SEPTIN14: variants seen among roughly 807,000 people sequenced by gnomAD.
SEPTIN14 encodes the protein septin-14.
A neutral mutation model predicts 53.6 loss-of-function variants in SEPTIN14; 40 were observed. That is an observed-to-expected ratio of 0.75 (90% CI 0.58 to 0.97). The LOEUF is 0.97. SEPTIN14 is among the 50% of genes least tolerant of loss of function. SEPTIN14 has a pLI of 0.00. For synonymous variants in SEPTIN14, 138 were observed against 166.8 expected, an observed-to-expected ratio of 0.83 and a Z score of 1.33; for missense variants, 471 against 508.2, an observed-to-expected ratio of 0.93 and a Z score of 0.70.
intron 9 of SEPTIN14, among the ~76,000 whole-genome samples, chr7:55,802,781 CA>C (rs80183449): frequency 0.19 from 27,076 of 143,392 alleles, 3,174 homozygotes; most frequent in East Asian, 0.43. Context: ...CCTGCACAGC[CA>C]AAAAAAAAAA....
intron 7 of SEPTIN14, among the ~76,000 whole-genome samples, chr7:55,818,364 C>T (rs1288546375): frequency 1.7e-4 from 25 of 148,472 alleles, no homozygotes; most frequent in Admixed American, 3.4e-4. Flanking sequence ...CCCAGCTACT[C>T]GGAAGGCTTA....
In SEPTIN14 at chr7:55,861,841, T is replaced by C. The variant is rs189950231; in HGVS notation, c.54+102A>G. On this transcript the variant is annotated intron_variant, in intron 2 of 9. Transcript: ENST00000388975. ...ATGCCCAAACATAACAAACAAGACT[T>C]TATCTTCTATGCCTACATCAGTTTT... 1,214 of 689,364 alleles carry C rather than the reference T, an allele frequency of 1.8e-3. 10 individuals are homozygous for C. In the African/African-American group the frequency reaches 0.021, roughly 12 times the overall value. The allele number at this position is 689,364 out of a possible 1,614,324, so 42.7% of individuals were successfully genotyped here. A position where few individuals can be genotyped will look rare whatever the true frequency, so the allele number is the denominator to read the frequency against.
chr7:55,850,532 A>G (rs1584272696), intron 2 of SEPTIN14, among the ~76,000 whole-genome samples: 1 of 152,166 alleles, frequency 6.6e-6, no homozygotes, highest in Non-Finnish European at 1.5e-5. Flanking sequence ...AAAATTATAC[A>G]TTAATTTCTG....
chr7:55,809,387 G>A (rs1389904653), intron 7 of SEPTIN14, among the ~76,000 whole-genome samples: 13 of 135,968 alleles, frequency 9.6e-5, no homozygotes, highest in South Asian at 4.5e-4. Flanking sequence ...ATGGAATCTC[G>A]CTCTGTTGCT....
chr7:55,811,102 G>T, intron 7 of SEPTIN14: 1 of 467,822 alleles, frequency 2.1e-6, no homozygotes. Flanking sequence ...GATGTCAGGG[G>T]TGTTTGAATA....
In SEPTIN14 at chr7:55,800,938, G is replaced by T. The variant is rs143868447; in HGVS notation, c.1119+4320C>A. Among the ~76,000 whole-genome samples the T allele has an allele frequency of 5.1e-3, 769 of 151,856 alleles. 6 individuals carry two copies. Among genetic ancestry groups the T allele is most frequent in the Middle Eastern group, 0.017 (5 of 294 alleles). On this transcript the variant is annotated intron_variant, in intron 9 of 9. Coordinates refer to ENST00000388975, the MANE Select transcript of SEPTIN14 (RefSeq NM_207366.3). ...GTATGCCTATATCAAAATATCTATC[G>T]TACCCCATAAATATGTATACCTACT...
chr7:55,856,968 G>T (rs893012322), intron 2 of SEPTIN14, among the ~76,000 whole-genome samples: 16 of 151,846 alleles, frequency 1.1e-4, no homozygotes, highest in Admixed American at 5.3e-4. Context: ...TACTCAGGAG[G>T]CTGAGGCACG....
At chr7:55,858,696 C>T (rs1235627718) in intron 2 of SEPTIN14, among the ~76,000 whole-genome samples, 3 of 152,156 alleles carry the variant, frequency 2.0e-5, no homozygotes, top group Admixed American at 2.0e-4. Flanking sequence ...CCCAGCTACT[C>T]AGGAGGCTGA....
At chr7:55,830,345 A>ATTT (rs1337453699) in intron 6 of SEPTIN14, among the ~76,000 whole-genome samples, 6,406 of 39,468 alleles carry the variant, frequency 0.16, 689 homozygotes, top group Non-Finnish European at 0.19. Context: ...ATATATATAT[A>ATTT]TATATTTTTT....
intron 6 of SEPTIN14, among the ~76,000 whole-genome samples, chr7:55,823,935 G>C (rs1188872443): frequency 2.7e-5 from 4 of 149,906 alleles, no homozygotes; most frequent in Non-Finnish European, 5.9e-5. Flanking sequence ...CTGTCACCCA[G>C]GCTGGAGTGC....
chr7:55,856,455 G>A (rs976827027), intron 2 of SEPTIN14, among the ~76,000 whole-genome samples: 5 of 151,412 alleles, frequency 3.3e-5, no homozygotes, highest in African/African-American at 1.2e-4. Flanking sequence ...GCAGTGGTGT[G>A]ATTTCAGCTC....
At chr7:55,838,790 G>T (rs1427108797) in intron 5 of SEPTIN14, among the ~76,000 whole-genome samples, 1 of 151,872 alleles carries the variant, frequency 6.6e-6, no homozygotes, top group Non-Finnish European at 1.5e-5. Context: ...CTCAAGCGAT[G>T]CTCCTGCGTT....
intron 6 of SEPTIN14, among the ~76,000 whole-genome samples, chr7:55,822,092 A>C (rs1788905699): frequency 6.6e-6 from 1 of 152,208 alleles, no homozygotes; most frequent in Admixed American, 6.5e-5. Flanking sequence ...CCATAATTCA[A>C]TTACCTTCCC....
intron 2 of SEPTIN14, among the ~76,000 whole-genome samples, chr7:55,860,844 C>A (rs574267583): frequency 5.4e-4 from 82 of 152,194 alleles, no homozygotes; most frequent in African/African-American, 1.8e-3. Flanking sequence ...GAGAGTAAGC[C>A]CCCACCTGAC....
At chr7:55,852,056 G>A (rs1172475151) in intron 2 of SEPTIN14, among the ~76,000 whole-genome samples, 1 of 151,092 alleles carries the variant, frequency 6.6e-6, no homozygotes, top group Non-Finnish European at 1.5e-5. Context: ...GCAGGAGAAT[G>A]ACGTGAACCT....
At chr7:55,846,766 T>C in intron 2 of SEPTIN14, 129 bp from the exon 3 acceptor site, 1 of 554,986 alleles carries the variant, frequency 1.8e-6, no homozygotes. Flanking sequence ...TCAGACAAGA[T>C]GCAAATATAT....
At chr7:55,848,031 C>T (rs941634719) in intron 2 of SEPTIN14, among the ~76,000 whole-genome samples, 2 of 152,080 alleles carry the variant, frequency 1.3e-5, no homozygotes, top group Non-Finnish European at 2.9e-5. Context: ...TACAAAATAC[C>T]TTTTTATTTA....
chr7:55,805,182 C>A, intron 9 of SEPTIN14, 76 bp downstream of exon 9: 2 of 1,340,282 alleles, frequency 1.5e-6, no homozygotes, highest in African/African-American at 1.5e-5. Context: ...ATCAAGTAAA[C>A]TCTTGAGATT....
chr7:55,797,214 G>A (rs1788446657), intron 9 of SEPTIN14, among the ~76,000 whole-genome samples: 1 of 152,176 alleles, frequency 6.6e-6, no homozygotes, highest in African/African-American at 2.4e-5. Context: ...GAGAAGGAAA[G>A]TAGAGAAAGG....
Sources: gnomAD v4.1 joint callset for allele counts (sites outside exome capture counted in the v4.1 genomes callset) on GRCh38, gnomAD v4.1.1 for gene constraint, MANE v1.5 for transcripts, NCBI Gene and HGNC (gene_info 2026-07-23, HGNC 2026-07-21) for gene names.